The following SCNN1B variants were observed in gnomAD, a reference collection of about 807,000 sequenced individuals.
The protein encoded by SCNN1B is sodium channel epithelial 1 subunit beta, also known as epithelial sodium channel subunit beta.
SCNN1B carries 46 observed loss-of-function variants against 65.3 expected under a neutral mutation model. That is an observed-to-expected ratio of 0.70 (90% CI 0.56 to 0.90). The LOEUF (loss-of-function observed/expected upper bound fraction) is 0.90. Among genes scored for constraint, SCNN1B ranks in the 40% least tolerant of loss-of-function variants. The pLI is 0.00. For synonymous variants in SCNN1B, 349 were observed against 330.6 expected (o/e 1.06, Z -0.60); for missense variants, 751 against 830.5 (o/e 0.90, Z 1.18).
intron 1 of SCNN1B, among the ~76,000 whole-genome samples, chr16:23,302,667 A>G (rs1316676040): frequency 6.6e-6 from 1 of 152,070 alleles, no homozygotes; most frequent in Non-Finnish European, 1.5e-5. Context: ...CAGGGTGCAG[A>G]AGGCAGACGG....
chr16:23,326,567 C>T (rs955256651), intron 1 of SCNN1B, among the ~76,000 whole-genome samples: 4 of 152,020 alleles, frequency 2.6e-5, no homozygotes, highest in African/African-American at 9.7e-5. Flanking sequence ...CAGGGTCAAG[C>T]AATTCTCCTG....
At chr16:23,328,465 C>T (rs1401188507) in intron 1 of SCNN1B, among the ~76,000 whole-genome samples, 2 of 152,208 alleles carry the variant, frequency 1.3e-5, no homozygotes, top group Non-Finnish European at 2.9e-5. Context: ...AGCCCTTGTG[C>T]ATTAAGTACT....
intron 4 of SCNN1B, chr16:23,359,250 GC>G: frequency 6.6e-6 from 1 of 152,226 alleles, no homozygotes; most frequent in South Asian, 2.1e-4. Flanking sequence ...GCTGTAACCT[GC>G]CCAGAGAGGT....
chr16:23,378,603 C>T, intron 10 of SCNN1B, 103 bp from the exon 11 acceptor site: 1 of 1,047,572 alleles, frequency 9.5e-7, no homozygotes, highest in South Asian at 1.3e-5. Context: ...CCGGGGGCCT[C>T]AGGAAGGGAC....
At position 23,376,956 on chromosome 16, in the gene SCNN1B, C is replaced by A. The variant is rs1055277709; in HGVS notation, c.1271-209C>A. 5.9e-5 allele frequency among the ~76,000 whole-genome samples: 9 copies of A among 152,158 alleles called. No individual in the cohort carries two copies. In the South Asian group the frequency reaches 6.2e-4, roughly 10 times the overall value. The stretch of plus-strand genomic sequence containing the variant: ...GCCGGCAAAGGGAAAGCTGCTGGGA[C>A]CCCCCTGAGCTGGGCCCCAGGCCAG... On this transcript the variant is annotated intron_variant, in intron 8 of 12. Transcript: ENST00000343070.
At chr16:23,361,253 A>G (rs1296381558) in intron 4 of SCNN1B, among the ~76,000 whole-genome samples, 3 of 152,130 alleles carry the variant, frequency 2.0e-5, no homozygotes, top group African/African-American at 7.2e-5. Flanking sequence ...ATCGAGGAAT[A>G]GTTTTAGATT....
At chr16:23,323,620 A>C in intron 1 of SCNN1B, 1 of 702,904 alleles carries the variant, frequency 1.4e-6, no homozygotes, top group East Asian at 2.7e-5. Context: ...TAAGTGACCC[A>C]ACTGGGGTTT....
chr16:23,374,984 C>T (rs1962863470), intron 7 of SCNN1B, among the ~76,000 whole-genome samples: 1 of 152,122 alleles, frequency 6.6e-6, no homozygotes, highest in Admixed American at 6.5e-5. Flanking sequence ...GACAGGTGTC[C>T]TCAGCACCCT....
chr16:23,333,108 AGGG>A lies in SCNN1B; in HGVS notation c.-8-15483_-8-15481del, dbSNP rs1205846018. Among the ~76,000 whole-genome samples, 581 of 94,752 alleles carry A rather than the reference AGGG, an allele frequency of 6.1e-3. 16 individuals carry two copies. Among genetic ancestry groups the A allele is most frequent in the African/African-American group, 0.03 (507 of 16,896 alleles). The allele number at this position is 94,752 out of a possible 152,430, so 62.2% of individuals were successfully genotyped here. Reference sequence around the variant, plus strand: ...GAAGAAGAAAGGGAGGAAGGAAGGAAGGGAGGGAGGGAGGGAGGGAGGGAGGGA... The same window carrying A: ...GAAGAAGAAAGGGAGGAAGGAAGGAAAGGGAGGGAGGGAGGGAGGGAGGGA... On this transcript the variant is annotated intron_variant, in intron 1 of 12. Transcript: ENST00000343070.
chr16:23,281,920 AGT>A, intron 1 of SCNN1B, among the ~76,000 whole-genome samples: 1 of 152,158 alleles, frequency 6.6e-6, no homozygotes, highest in South Asian at 2.1e-4. Flanking sequence ...GGCCGGGTGC[AGT>A]GGCTCATGCC....
At chr16:23,377,016 T>C in intron 8 of SCNN1B, 149 bp from the exon 9 acceptor site, 1 of 732,784 alleles carries the variant, frequency 1.4e-6, no homozygotes, top group South Asian at 1.6e-5. Context: ...GGGGGCTGGG[T>C]GGGGAGCGGT....
At chr16:23,365,857 C>T (rs1962658315) in intron 4 of SCNN1B, among the ~76,000 whole-genome samples, 1 of 152,230 alleles carries the variant, frequency 6.6e-6, no homozygotes, top group Non-Finnish European at 1.5e-5. Context: ...AATCTGTTGA[C>T]AGTGGCAGAG....
intron 4 of SCNN1B, among the ~76,000 whole-genome samples, chr16:23,360,796 T>C (rs950321517): frequency 1.3e-5 from 2 of 151,304 alleles, no homozygotes; most frequent in African/African-American, 4.9e-5. Context: ...TTTGGTTTTG[T>C]TTTGTTTTGT....
chr16:23,372,044 T>C, intron 7 of SCNN1B, 161 bp downstream of exon 7: 1 of 692,144 alleles, frequency 1.4e-6, no homozygotes, highest in East Asian at 2.7e-5. Flanking sequence ...GTCACTTTCC[T>C]GGGCTCTCTC....
chr16:23,371,776 G>C lies in SCNN1B; in HGVS notation c.1045G>C (p.Asp349His). The C allele has an allele frequency of 1.2e-6, 2 of 1,613,700 alleles. No homozygotes were observed. The change falls in exon 7 of 13, where the codon GAC becomes CAC. Residue 349 changes from aspartate to histidine, a missense_variant and splice_region_variant. Transcript: ENST00000343070. The part of the protein sequence containing the change: ...GTETSIGVLV[D>H]KLQRMGEPYS... ...CCTCAAGCAACCCCTCTAAACACAG[G>C]ACAAGCTTCAGCGCATGGGGGAGCC...
chr16:23,305,645 G>A (rs1961201879), intron 1 of SCNN1B, among the ~76,000 whole-genome samples: 1 of 141,848 alleles, frequency 7.0e-6, no homozygotes, highest in Admixed American at 7.4e-5. Flanking sequence ...TACAGGGGAA[G>A]CTGAGGTGAG....
chr16:23,366,592 G>A (rs1962674423), intron 4 of SCNN1B, among the ~76,000 whole-genome samples: 1 of 152,044 alleles, frequency 6.6e-6, no homozygotes, highest in African/African-American at 2.4e-5. Context: ...AAATTAGCCG[G>A]GTGTGGTGGC....
chr16:23,323,700 G>C (rs1961634658), intron 1 of SCNN1B: 2 of 667,228 alleles, frequency 3.0e-6, no homozygotes, highest in Non-Finnish European at 2.7e-6. Context: ...CATCTAGGCT[G>C]GGACCAGGTT....
rs140911577 is a variant in SCNN1B at position 23,315,552 on chromosome 16, C to A, written c.-9+13115C>A. On this transcript the variant is annotated intron_variant, in intron 1 of 12. Transcript: ENST00000343070. ...AGTGCAGTGGCTCACGCCTGTAATC[C>A]CTGCACTTTGGCAGGCCAAGGTGGG... Among the ~76,000 whole-genome samples, 208 of 152,322 alleles carry A rather than the reference C, an allele frequency of 1.4e-3. 2 individuals carry two copies. Among genetic ancestry groups the A allele is most frequent in the African/African-American group, 4.8e-3 (198 of 41,574 alleles).
Sources: allele counts gnomAD v4.1 joint callset (sites outside exome capture counted in the v4.1 genomes callset), GRCh38; gene constraint gnomAD v4.1.1; transcripts MANE v1.5; gene names NCBI Gene and HGNC (gene_info 2026-07-23, HGNC 2026-07-21).